The following COL6A6 variants were observed in gnomAD, a reference collection of about 807,000 sequenced individuals.
COL6A6 encodes collagen type VI alpha 6 chain, also known as collagen alpha-6(VI) chain.
Under a neutral mutation model 208.6 loss-of-function variants are expected in COL6A6, and 183 were observed. That is an observed-to-expected ratio of 0.88 (90% CI 0.78 to 0.99). COL6A6 has a LOEUF of 0.99. Ranked by LOEUF, COL6A6 falls within the 50% of genes least tolerant of loss-of-function variation. The probability of loss-of-function intolerance (pLI) is 0.00; values close to 1 mark genes in which losing one functional copy is unlikely to be tolerated. For synonymous variants in COL6A6, 973 were observed against 1,011.8 expected (o/e 0.96, Z 0.73); for missense variants, 2,816 against 2,815.2 (o/e 1.00, Z -0.01).
At position 130,599,754 on chromosome 3, in the gene COL6A6, CAG is replaced by C. The variant is rs2063955249; in HGVS notation, c.4600-2_4600-1del. 6.2e-7 allele frequency: 1 copy of C among 1,613,646 alleles called. No individual in the cohort carries two copies. Among genetic ancestry groups the C allele is most frequent in the Non-Finnish European group, 8.5e-7 (1 of 1,179,676 alleles). ...GTCACACATCTGTCTGTTCCTTTGA[CAG>C]GGCAGAAGAGGCTGGCCAGGCCCCC... is the stretch of plus-strand genomic sequence containing the variant. On this transcript the variant is annotated splice_acceptor_variant, in intron 19 of 36. Coordinates refer to ENST00000358511, the MANE Select transcript of COL6A6 (RefSeq NM_001102608.3). LOFTEE classifies it high-confidence loss of function.
At chr3:130,663,106 C>G (rs973877766) in intron 35 of COL6A6, among the ~76,000 whole-genome samples, 2 of 152,188 alleles carry the variant, frequency 1.3e-5, no homozygotes, top group Admixed American at 6.5e-5. Flanking sequence ...CGGTGTGGTT[C>G]AACTGAGGTC....
intron 34 of COL6A6, among the ~76,000 whole-genome samples, chr3:130,659,369 A>G (rs16830716): frequency 0.11 from 17,191 of 152,256 alleles, 1,065 homozygotes; most frequent in East Asian, 0.17. Flanking sequence ...TAATAATTAC[A>G]AAGACAGTGG....
At chr3:130,577,211 G>A (rs2063318009) in intron 8 of COL6A6, among the ~76,000 whole-genome samples, 1 of 152,080 alleles carries the variant, frequency 6.6e-6, no homozygotes, top group South Asian at 2.1e-4. Flanking sequence ...ATTTATAAAT[G>A]TGGAAACTGG....
chr3:130,653,180 C>T (rs1261807771), intron 33 of COL6A6, among the ~76,000 whole-genome samples: 3 of 152,164 alleles, frequency 2.0e-5, no homozygotes, highest in African/African-American at 7.2e-5. Context: ...ACGTGCTGCA[C>T]ATTGAGGCTT....
chr3:130,541,274 T>C (rs2062357108), intron 1 of COL6A6, among the ~76,000 whole-genome samples: 1 of 152,230 alleles, frequency 6.6e-6, no homozygotes, highest in Admixed American at 6.5e-5. Flanking sequence ...GATTGGCTTT[T>C]TTCACTTAGC....
chr3:130,565,486 A>C lies in COL6A6; in HGVS notation c.1154A>C (p.Gln385Pro). Reference protein sequence around the residue: ...LEKIASHPAEQYVSKLKTFAD... With the variant: ...LEKIASHPAEPYVSKLKTFAD... The stretch of plus-strand genomic sequence containing the variant: ...AAGATAGCATCCCACCCTGCTGAGC[A>C]GTATGTCTCCAAACTGAAGACCTTC... Residue 385 changes from glutamine (Q) to proline (P), a missense_variant, in exon 4 of 37, where the codon CAG becomes CCG. Physicochemically the swap from Gln to Pro is moderately conservative, Grantham distance 76. Transcript: ENST00000358511. 1 of 1,614,044 alleles carries C rather than the reference A, an allele frequency of 6.2e-7. No homozygotes were observed. The highest frequency in any genetic ancestry group is 8.5e-7 in the Non-Finnish European group (1 of 1,179,894).
intron 1 of COL6A6, among the ~76,000 whole-genome samples, chr3:130,535,576 C>T (rs1332543030): frequency 1.3e-5 from 2 of 151,936 alleles, no homozygotes; most frequent in African/African-American, 4.8e-5. Context: ...TTTTTCTGCG[C>T]TCATCTTCAG....
At chr3:130,662,667 C>A (rs1446434351) in intron 35 of COL6A6, among the ~76,000 whole-genome samples, 1 of 152,020 alleles carries the variant, frequency 6.6e-6, no homozygotes, top group Non-Finnish European at 1.5e-5. Context: ...TAGCACACTG[C>A]CCTTTGATGG....
chr3:130,543,534 G>A (rs1359923249), intron 1 of COL6A6, among the ~76,000 whole-genome samples: 1 of 151,966 alleles, frequency 6.6e-6, no homozygotes, highest in Non-Finnish European at 1.5e-5. Flanking sequence ...TGTTTTTAAT[G>A]GTTGCCTAGA....
chr3:130,657,312 C>T (rs1345267065), intron 33 of COL6A6, among the ~76,000 whole-genome samples: 1 of 152,250 alleles, frequency 6.6e-6, no homozygotes, highest in Non-Finnish European at 1.5e-5. Flanking sequence ...TGACTGCAGC[C>T]AGCATCATGG....
chr3:130,531,997 CTT>C (rs2062109588), intron 1 of COL6A6, among the ~76,000 whole-genome samples: 1 of 152,240 alleles, frequency 6.6e-6, no homozygotes, highest in Non-Finnish European at 1.5e-5. Context: ...TGAAATATGA[CTT>C]TTGAAAAATG....
At chr3:130,642,069 G>A (rs192447958) in intron 29 of COL6A6, among the ~76,000 whole-genome samples, 1 of 152,238 alleles carries the variant, frequency 6.6e-6, no homozygotes, top group Admixed American at 6.5e-5. Flanking sequence ...GATCAATGTT[G>A]CATTCACATG....
chr3:130,585,678 G>A (rs1286535455), intron 10 of COL6A6, among the ~76,000 whole-genome samples: 2 of 152,190 alleles, frequency 1.3e-5, no homozygotes, highest in Non-Finnish European at 2.9e-5. Context: ...GCTCCTGGAT[G>A]ATTGTGTGTC....
At chr3:130,527,144 C>G (rs796846440) in intron 1 of COL6A6, among the ~76,000 whole-genome samples, 6 of 152,322 alleles carry the variant, frequency 3.9e-5, no homozygotes, top group African/African-American at 1.4e-4. Context: ...TTCAAAAACT[C>G]CTAATGGATA....
intron 20 of COL6A6, among the ~76,000 whole-genome samples, chr3:130,603,130 A>G (rs2064075285): frequency 6.6e-6 from 1 of 152,210 alleles, no homozygotes; most frequent in Non-Finnish European, 1.5e-5. Context: ...ACACTACTAA[A>G]TACTAGAAAT....
intron 8 of COL6A6, among the ~76,000 whole-genome samples, chr3:130,581,061 G>A (rs1476125153): frequency 6.6e-6 from 1 of 151,798 alleles, no homozygotes; most frequent in Non-Finnish European, 1.5e-5. Flanking sequence ...AATCAAAAAG[G>A]CCCTTTTTAG....
chr3:130,565,077 A>C lies in COL6A6; in HGVS notation c.745A>C (p.Lys249Gln). Reference sequence around the variant, plus strand: ...AAGTGAGGAGAACTTTGACTATCTTAAAGGATTCTTGGAAGAAAGTGTATC... The same window carrying C: ...AAGTGAGGAGAACTTTGACTATCTTCAAGGATTCTTGGAAGAAAGTGTATC... ...NGSEENFDYL[K>Q]GFLEESVSAL... Residue 249 changes from lysine to glutamine, a missense_variant, in exon 4 of 37, where the codon AAA becomes CAA. Physicochemically the swap from Lys to Gln is moderately conservative, Grantham distance 53. Transcript: ENST00000358511. 1.9e-6 allele frequency: 3 copies of C among 1,613,970 alleles called. No homozygotes were observed. Among genetic ancestry groups the C allele is most frequent in the Non-Finnish European group, 2.5e-6 (3 of 1,179,842 alleles).
At chr3:130,618,564 T>G (rs920863072) in intron 23 of COL6A6, among the ~76,000 whole-genome samples, 1 of 152,180 alleles carries the variant, frequency 6.6e-6, no homozygotes, top group Admixed American at 6.5e-5. Context: ...AGGGTGACAA[T>G]TTTTTTGTCT....
In COL6A6 at chr3:130,563,702, C is replaced by T. The variant is rs372218106; in HGVS notation, c.661+38C>T. ...TATGTGTATAGGAATGATGATAAAACGCTTTTGAAAAATTAAAATGGGGAG... is the reference window on the plus strand; with the variant it reads ...TATGTGTATAGGAATGATGATAAAATGCTTTTGAAAAATTAAAATGGGGAG... On this transcript the variant is annotated intron_variant, in intron 3 of 36. Transcript: ENST00000358511. The T allele has an allele frequency of 2.5e-4, 343 of 1,384,170 alleles. 1 individual carries two copies. The highest frequency in any genetic ancestry group is 3.8e-4 in the African/African-American group (26 of 68,936). The allele number at this position is 1,384,170 out of a possible 1,614,324, so 85.7% of individuals were successfully genotyped here. A position where few individuals can be genotyped will look rare whatever the true frequency, so the allele number is the denominator to read the frequency against.
Sources: allele counts gnomAD v4.1 joint callset (sites outside exome capture counted in the v4.1 genomes callset), GRCh38; gene constraint gnomAD v4.1.1; transcripts MANE v1.5; gene names NCBI Gene and HGNC (gene_info 2026-07-23, HGNC 2026-07-21).